FOSL2: variants seen among roughly 807,000 people sequenced by gnomAD.
FOSL2 encodes the protein fos-related antigen 2.
FOSL2 carries 3 observed loss-of-function variants against 27.7 expected under a neutral mutation model. The observed-to-expected ratio is 0.11, with a 90% confidence interval of 0.05 to 0.28. FOSL2 has a LOEUF of 0.28. Ranked by LOEUF, FOSL2 falls within the 10% of genes least tolerant of loss-of-function variation. FOSL2 has a pLI of 1.00. For missense variants in FOSL2, 333 were observed against 445.1 expected (o/e 0.75, Z 2.27); for synonymous variants, 179 against 190.1 (o/e 0.94, Z 0.48).
chr2:28,403,305 G>C (rs1387810525), intron 1 of FOSL2, among the ~76,000 whole-genome samples: 1 of 152,142 alleles, frequency 6.6e-6, no homozygotes, highest in Non-Finnish European at 1.5e-5. Context: ...CTGCAACGTG[G>C]TCTGGGCATA....
chr2:28,412,663 A>T lies in FOSL2; in HGVS notation c.*215A>T, dbSNP rs1436143707. On this transcript the variant is annotated 3_prime_UTR_variant, in exon 4 of 4. Coordinates refer to ENST00000264716, the MANE Select transcript of FOSL2 (RefSeq NM_005253.4). This position sits in a 1 kb window ranked among gnomAD's most constrained non-coding sequence, Gnocchi z 7.1. ...AGCCATGGGACCTCCTCCCTCATTC[A>T]TCTTGCAAGCAAATCCCATTTCTTG... is the stretch of plus-strand genomic sequence containing the variant. 1 of 551,674 alleles carries T rather than the reference A, an allele frequency of 1.8e-6. No individual in the cohort carries two copies. The highest frequency in any genetic ancestry group is 3.2e-6 in the Non-Finnish European group (1 of 310,874). 34.2% of individuals were successfully genotyped at this position (551,674 alleles called of 1,614,324 possible).
At chr2:28,396,380 T>C (rs1663835720) in intron 1 of FOSL2, among the ~76,000 whole-genome samples, 1 of 152,210 alleles carries the variant, frequency 6.6e-6, no homozygotes, top group East Asian at 1.9e-4. Context: ...GTTCCAGTTA[T>C]AGTTTTAATC....
chr2:28,393,671 G>A lies in FOSL2; in HGVS notation c.-50G>A, dbSNP rs1663731401. ...GCAGCCGGTGCGCGGCCGCGGCGAG[G>A]GCGGGGGAAGAAAAACACCCTGTTT... On this transcript the variant is annotated 5_prime_UTR_variant, in exon 1 of 4. Coordinates refer to ENST00000264716, the MANE Select transcript of FOSL2 (RefSeq NM_005253.4). The surrounding 1 kb of genome is among the most constrained non-coding windows in gnomAD (Gnocchi z 4.6). The A allele has an allele frequency of 1.4e-6, 2 of 1,397,560 alleles. No individual in the cohort carries two copies. The highest frequency in any genetic ancestry group is 2.0e-6 in the Non-Finnish European group (2 of 1,013,254). The allele number at this position is 1,397,560 out of a possible 1,614,324, so 86.6% of individuals were successfully genotyped here. A position where few individuals can be genotyped will look rare whatever the true frequency, so the allele number is the denominator to read the frequency against.
rs747349464 is a variant in FOSL2, at chr2:28,404,292, C to T, written c.288C>T (p.Ala96=). ...TGGCCTCTGTCCCTGGACACATGGC[C>T]CTCCCAAGACCTGGCGTGATCAAGA... is the stretch of plus-strand genomic sequence containing the variant. ...PGLASVPGHM[A]LPRPGVIKTI... The change falls in exon 2 of 4, where the codon GCC becomes GCT. Residue 96 remains alanine (A), a synonymous_variant. Transcript: ENST00000264716. This position sits in a 1 kb window ranked among gnomAD's most constrained non-coding sequence, Gnocchi z 4.7. 5.0e-6 allele frequency: 8 copies of T among 1,614,188 alleles called. No individual in the cohort carries two copies. In the East Asian group the frequency reaches 6.7e-5, roughly 13 times the overall value.
Position 28,414,690 on chromosome 2 carries a change from C to T in FOSL2, c.*2242C>T, listed in dbSNP as rs1248126595. On this transcript the variant is annotated 3_prime_UTR_variant, in exon 4 of 4. Transcript: ENST00000264716. ...TTTATTTCTAAAAGCCCCCTTATACCCCACTTTGTGCAGCAAAGATCCCCG... is the reference window on the plus strand; with the variant it reads ...TTTATTTCTAAAAGCCCCCTTATACTCCACTTTGTGCAGCAAAGATCCCCG... 1 of 152,092 alleles carries T rather than the reference C, an allele frequency of 6.6e-6. No individual in the cohort carries two copies. Among genetic ancestry groups the T allele is most frequent in the Non-Finnish European group, 1.5e-5 (1 of 68,020 alleles). The allele number at this position is 152,092 out of a possible 1,614,324, so 9.4% of individuals were successfully genotyped here. A position where few individuals can be genotyped will look rare whatever the true frequency, so the allele number is the denominator to read the frequency against.
intron 3 of FOSL2, among the ~76,000 whole-genome samples, chr2:28,411,410 T>C (rs939144501): frequency 6.6e-6 from 1 of 152,064 alleles, no homozygotes; most frequent in African/African-American, 2.4e-5. Context: ...CCCTTCTCCA[T>C]GCAGATCTCT....
At position 28,392,891 on chromosome 2, in the gene FOSL2, CCGAGCGAACCAGCGAG is replaced by C. The variant is rs1196860402; in HGVS notation, c.-820_-805del. On this transcript the variant is annotated 5_prime_UTR_variant, in exon 1 of 4. Transcript: ENST00000264716. ...TCATCTCGGGCAGAGCGCTAGGGCT[CCGAGCGAACCAGCGAG>C]CGAGCGAACGAGCGGCGCTCGGCGG... 15 of 714,804 alleles carry C rather than the reference CCGAGCGAACCAGCGAG, an allele frequency of 2.1e-5. No individual in the cohort carries two copies. The East Asian group carries it at 2.7e-4, about 13-fold the overall frequency. 44.3% of individuals were successfully genotyped at this position (714,804 alleles called of 1,614,324 possible).
intron 1 of FOSL2, among the ~76,000 whole-genome samples, chr2:28,400,522 G>A (rs1354458556): frequency 6.6e-6 from 1 of 152,158 alleles, no homozygotes; most frequent in African/African-American, 2.4e-5. Context: ...GTGTCTCCAA[G>A]AGAAGCTCCT....
At position 28,414,203 on chromosome 2, in the gene FOSL2, C is replaced by T. The variant is rs1572498823; in HGVS notation, c.*1755C>T. ...ATCCCCCGTGGAGAAAGCAGTGACACATTCACACAGCTGTTCCCTCGCATG... is the reference window on the plus strand; with the variant it reads ...ATCCCCCGTGGAGAAAGCAGTGACATATTCACACAGCTGTTCCCTCGCATG... On this transcript the variant is annotated 3_prime_UTR_variant, in exon 4 of 4. Coordinates refer to ENST00000264716, the MANE Select transcript of FOSL2 (RefSeq NM_005253.4). The T allele has an allele frequency of 5.2e-6, 1 of 192,366 alleles. No individual in the cohort carries two copies. Among genetic ancestry groups the T allele is most frequent in the Non-Finnish European group, 1.1e-5 (1 of 94,638 alleles). The allele number at this position is 192,366 out of a possible 1,614,324, so 11.9% of individuals were successfully genotyped here. A position where few individuals can be genotyped will look rare whatever the true frequency, so the allele number is the denominator to read the frequency against.
Position 28,393,802 on chromosome 2 carries a change from A to AGCGGCG in FOSL2, c.91_96dup (p.Gly31_Gly32dup). ...TCCTGCGCACGCCGAGTCCTACTCCAGCGGCGGCGGCGGCCAGCAGGTAGG... is the reference window on the plus strand; with the variant it reads ...TCCTGCGCACGCCGAGTCCTACTCCAGCGGCGGCGGCGGCGGCGGCCAGCAGGTAGG... On this transcript the variant is annotated inframe_insertion, in exon 1 of 4. Transcript: ENST00000264716. The surrounding 1 kb of genome is among the most constrained non-coding windows in gnomAD (Gnocchi z 4.6). The AGCGGCG allele has an allele frequency of 1.2e-6, 2 of 1,600,920 alleles. No individual in the cohort carries two copies. The highest frequency in any genetic ancestry group is 8.5e-7 in the Non-Finnish European group (1 of 1,174,584).
intron 1 of FOSL2, among the ~76,000 whole-genome samples, chr2:28,401,735 GC>G (rs892564583): frequency 9.2e-5 from 14 of 152,262 alleles, no homozygotes; most frequent in African/African-American, 3.4e-4. Flanking sequence ...CCTGTTCACT[GC>G]ACTCTTCCCT....
intron 2 of FOSL2, among the ~76,000 whole-genome samples, chr2:28,406,341 C>T (rs1407020583): frequency 6.6e-6 from 1 of 152,184 alleles, no homozygotes; most frequent in African/African-American, 2.4e-5. Flanking sequence ...GGATTACAGG[C>T]GTGAGCCACC....
At chr2:28,398,514 G>A (rs1478480711) in intron 1 of FOSL2, among the ~76,000 whole-genome samples, 1 of 152,264 alleles carries the variant, frequency 6.6e-6, no homozygotes, top group Non-Finnish European at 1.5e-5. Context: ...GAATTCCCCA[G>A]TGCTTTGGAG....
chr2:28,411,005 G>A (rs563392289), intron 3 of FOSL2, among the ~76,000 whole-genome samples: 6 of 152,132 alleles, frequency 3.9e-5, no homozygotes, highest in African/African-American at 9.6e-5. Flanking sequence ...AAAATTAGCC[G>A]GGTGTGGTGG....
chr2:28,396,803 C>CACACACACACACACAA (rs1295100502), intron 1 of FOSL2: 30 of 147,482 alleles, frequency 2.0e-4, no homozygotes, highest in African/African-American at 7.3e-4. Context: ...CACACACACA[C>CACACACACACACACAA]ACACACACAC....
In FOSL2 at chr2:28,413,724, T is replaced by G. The variant is rs1357473913; in HGVS notation, c.*1276T>G. ...ATCTGCCACCTGCTGGATCAAGTGC[T>G]TTCTCTTTTACACTCCCCTGTCCCC... On this transcript the variant is annotated 3_prime_UTR_variant, in exon 4 of 4. Coordinates refer to ENST00000264716, the MANE Select transcript of FOSL2 (RefSeq NM_005253.4). 3 of 399,068 alleles carry G rather than the reference T, an allele frequency of 7.5e-6. No homozygotes were observed. Among genetic ancestry groups the G allele is most frequent in the Admixed American group, 8.8e-5 (2 of 22,728 alleles). 24.7% of individuals were successfully genotyped at this position (399,068 alleles called of 1,614,324 possible). A position where few individuals can be genotyped will look rare whatever the true frequency, so the allele number is the denominator to read the frequency against.
chr2:28,410,511 G>A (rs1664171360), intron 3 of FOSL2: 1 of 983,826 alleles, frequency 1.0e-6, no homozygotes, highest in Admixed American at 6.3e-5. Context: ...TCAGACCCTT[G>A]AGACAGACGG....
intron 1 of FOSL2, among the ~76,000 whole-genome samples, chr2:28,400,431 C>A (rs892872110): frequency 2.4e-5 from 1 of 40,918 alleles, no homozygotes; most frequent in African/African-American, 1.0e-4. Flanking sequence ...CTGAATAACA[C>A]GTTTCTGAAT....
Position 28,413,246 on chromosome 2 carries a change from T to C in FOSL2, c.*798T>C. The stretch of plus-strand genomic sequence containing the variant: ...CAGGTTGGGTTTGCCAAACGCCTAA[T>C]TACCAGGCCAGGAAGCATGCCAACA... On this transcript the variant is annotated 3_prime_UTR_variant, in exon 4 of 4. Coordinates refer to ENST00000264716, the MANE Select transcript of FOSL2 (RefSeq NM_005253.4). 2.7e-6 allele frequency: 1 copy of C among 371,956 alleles called. No homozygotes were observed. Among genetic ancestry groups the C allele is most frequent in the South Asian group, 1.5e-4 (1 of 6,766 alleles). The allele number at this position is 371,956 out of a possible 1,614,324, so 23.0% of individuals were successfully genotyped here. A position where few individuals can be genotyped will look rare whatever the true frequency, so the allele number is the denominator to read the frequency against.
Sources: gnomAD v4.1 joint callset for allele counts (sites outside exome capture counted in the v4.1 genomes callset) on GRCh38, gnomAD v4.1.1 for gene constraint, Gnocchi (gnomAD v3.1) non-coding constraint, MANE v1.5 for transcripts, NCBI Gene and HGNC (gene_info 2026-07-23, HGNC 2026-07-21) for gene names.